Variants in CHRNB1 observed in about 807,000 individuals in gnomAD.
CHRNB1 encodes the protein cholinergic receptor nicotinic beta 1 subunit.
In CHRNB1, 47 loss-of-function variants were observed where a neutral mutation model predicts 53.8. The ratio of observed to expected loss-of-function variants is 0.87; its 90% CI spans 0.69 to 1.11. The LOEUF (loss-of-function observed/expected upper bound fraction) is 1.11, where lower values mean the gene tolerates loss of function less well. Ranked by LOEUF, CHRNB1 falls within the 50% of genes most tolerant of loss-of-function variation. The pLI is 0.00. For missense variants in CHRNB1, 605 were observed against 654.9 expected (o/e 0.92, Z 0.83); for synonymous variants, 259 against 263.5 (o/e 0.98, Z 0.16).
In CHRNB1 at chr17:7,447,062, G is replaced by A. The variant is rs148584502; in HGVS notation, c.373G>A (p.Val125Met). 1.8e-5 allele frequency: 29 copies of A among 1,614,060 alleles called. No individual in the cohort carries two copies. The highest frequency in any genetic ancestry group is 2.4e-5 in the Non-Finnish European group (28 of 1,180,010). ...CTGCAGCAATGATGGGAATTTTGAC[G>A]TGGCTCTGGACATTAGCGTCGTGGT... is the stretch of plus-strand genomic sequence containing the variant. ...LLNNNDGNFD[V>M]ALDISVVVSS... The change falls in exon 5 of 11, where the codon GTG becomes ATG. Residue 125 changes from valine (V) to methionine (M), a missense_variant. Physicochemically the swap from Val to Met is conservative, Grantham distance 21. Transcript: ENST00000306071.
intron 7 of CHRNB1, among the ~76,000 whole-genome samples, chr17:7,449,260 C>T (rs1227921062): frequency 8.6e-5 from 13 of 151,788 alleles, no homozygotes; most frequent in African/African-American, 1.7e-4. Context: ...CCCGCCACCA[C>T]GCCCGGCTAA....
chr17:7,450,623 C>G (rs1177128125), intron 7 of CHRNB1, among the ~76,000 whole-genome samples: 2 of 152,126 alleles, frequency 1.3e-5, no homozygotes, highest in African/African-American at 4.8e-5. Flanking sequence ...TGAACACTTG[C>G]TATAAGGTAA....
At position 7,445,309 on chromosome 17, in the gene CHRNB1, A is replaced by G. The variant is rs1356808110; in HGVS notation, c.98A>G (p.Lys33Arg). The G allele has an allele frequency of 1.9e-6, 3 of 1,612,896 alleles. No individual in the cohort carries two copies. Among genetic ancestry groups the G allele is most frequent in the African/African-American group, 1.3e-5 (1 of 74,914 alleles). ...GAGGCGGAGGGTCGACTCCGGGAGA[A>G]ACTTTTCTCTGGCTATGATAGCTCC... is the stretch of plus-strand genomic sequence containing the variant. ...GSEAEGRLRE[K>R]LFSGYDSSVR... The change falls in exon 2 of 11, where the codon AAA becomes AGA. Residue 33 changes from lysine to arginine, a missense_variant. Coordinates refer to ENST00000306071, the MANE Select transcript of CHRNB1 (RefSeq NM_000747.3). This position sits in a 1 kb window ranked among gnomAD's most constrained non-coding sequence, Gnocchi z 5.7.
Position 7,445,675 on chromosome 17 carries a change from C to T in CHRNB1, c.198+266C>T, listed in dbSNP as rs1908576374. The T allele has an allele frequency of 7.9e-7, 1 of 1,258,454 alleles. No homozygotes were observed. The highest frequency in any genetic ancestry group is 1.1e-6 in the Non-Finnish European group (1 of 945,848). The allele number at this position is 1,258,454 out of a possible 1,614,324, so 78.0% of individuals were successfully genotyped here. On this transcript the variant is annotated intron_variant, in intron 2 of 10. Coordinates refer to ENST00000306071, the MANE Select transcript of CHRNB1 (RefSeq NM_000747.3). This position sits in a 1 kb window ranked among gnomAD's most constrained non-coding sequence, Gnocchi z 5.7. ...AGTGGGGCTGGGGACGAGGCAGGGG[C>T]TGGGGGACGGACCTCGACGTAGGGC...
At position 7,447,579 on chromosome 17, in the gene CHRNB1, G is replaced by A; in HGVS notation, c.539G>A (p.Ser180Asn). The change falls in exon 6 of 11, where the codon AGC (serine) becomes AAC (asparagine). Residue 180 changes from serine (S) to asparagine (N), a missense_variant. Coordinates refer to ENST00000306071, the MANE Select transcript of CHRNB1 (RefSeq NM_000747.3). Reference protein sequence around the residue: ...SSYSYDSSEVSLQTGLGPDGQ... With the variant: ...SSYSYDSSEVNLQTGLGPDGQ... ...TACAGCTACGACAGCTCGGAGGTCA[G>A]CCTGCAGACAGGCCTGGGTCCTGAC... is the stretch of plus-strand genomic sequence containing the variant. The A allele has an allele frequency of 6.2e-7, 1 of 1,614,206 alleles. No individual in the cohort carries two copies. Among genetic ancestry groups the A allele is most frequent in the Non-Finnish European group, 8.5e-7 (1 of 1,180,038 alleles).
Position 7,446,802 on chromosome 17 carries a change from C to T in CHRNB1, c.244-31C>T, listed in dbSNP as rs370010578. ...CCCAAGTCCCTCCCGGCCTCCAACC[C>T]GGGGCAGCCCCTCAGCCTCTGCTTC... On this transcript the variant is annotated intron_variant, in intron 3 of 10. Transcript: ENST00000306071. The T allele has an allele frequency of 6.3e-6, 10 of 1,580,404 alleles. No individual in the cohort carries two copies. In the Admixed American group the frequency reaches 1.3e-4, roughly 21 times the overall value.
At position 7,454,445 on chromosome 17, in the gene CHRNB1, C is replaced by A; in HGVS notation, c.969C>A (p.Val323=). ...MFTMVLVTFS[V]ILSVVVLNLH... ...CCATGGTCCTCGTCACCTTCTCAGT[C>A]ATCCTTAGTGTCGTGGTTCTCAACC... is the stretch of plus-strand genomic sequence containing the variant. Residue 323 remains valine (V), a synonymous_variant, in exon 8 of 11, where the codon GTC becomes GTA. Coordinates refer to ENST00000306071, the MANE Select transcript of CHRNB1 (RefSeq NM_000747.3). 2 of 1,614,120 alleles carry A rather than the reference C, an allele frequency of 1.2e-6. No individual in the cohort carries two copies. Among genetic ancestry groups the A allele is most frequent in the South Asian group, 2.2e-5 (2 of 91,064 alleles).
At chr17:7,455,490 G>C in intron 9 of CHRNB1, 34 bp downstream of exon 9, 2 of 1,611,006 alleles carry the variant, frequency 1.2e-6, no homozygotes, top group Non-Finnish European at 1.7e-6. Context: ...ATAAGAGGGA[G>C]AGGGAGAACT....
rs550293048 is a variant in CHRNB1 at position 7,452,273 on chromosome 17, G to C, written c.821-2024G>C. Among the ~76,000 whole-genome samples, 15 of 152,134 alleles carry C rather than the reference G, an allele frequency of 9.9e-5. No individual in the cohort carries two copies. The East Asian group carries it at 2.9e-3, about 29-fold the overall frequency. On this transcript the variant is annotated intron_variant, in intron 7 of 10. Coordinates refer to ENST00000306071, the MANE Select transcript of CHRNB1 (RefSeq NM_000747.3). ...GGGTTTCGCTATGTTGGCCAGGCTG[G>C]TCTCGAACTTCTGACCTCAGGTGAT... is the stretch of plus-strand genomic sequence containing the variant.
intron 5 of CHRNB1, 124 bp downstream of exon 5, chr17:7,447,275 C>A: frequency 1.0e-6 from 1 of 953,384 alleles, no homozygotes; most frequent in Non-Finnish European, 1.6e-6. Context: ...CCATGACCCT[C>A]ACCTCGTCTA....
At position 7,445,377 on chromosome 17, in the gene CHRNB1, G is replaced by A. The variant is rs879255346; in HGVS notation, c.166G>A (p.Val56Ile). The A allele has an allele frequency of 6.2e-7, 1 of 1,612,594 alleles. No homozygotes were observed. The highest frequency in any genetic ancestry group is 1.7e-5 in the Admixed American group (1 of 59,940). The stretch of plus-strand genomic sequence containing the variant: ...GGTGGGAGACCGTGTCAGGGTCAGC[G>A]TTGGTCTCATCCTGGCGCAACTCAT... ...REVGDRVRVS[V>I]GLILAQLISL... Residue 56 changes from valine to isoleucine, a missense_variant, in exon 2 of 11, where the codon GTT becomes ATT. Physicochemically the swap from Val to Ile is conservative, Grantham distance 29. Coordinates refer to ENST00000306071, the MANE Select transcript of CHRNB1 (RefSeq NM_000747.3). This position sits in a 1 kb window ranked among gnomAD's most constrained non-coding sequence, Gnocchi z 5.7.
intron 8 of CHRNB1, 55 bp from the exon 9 acceptor site, chr17:7,455,229 C>G: frequency 6.2e-7 from 1 of 1,608,114 alleles, no homozygotes; most frequent in East Asian, 2.2e-5. Context: ...TGGCTGTTTC[C>G]CTTCTGGTCT....
intron 7 of CHRNB1, among the ~76,000 whole-genome samples, chr17:7,451,268 TCTTTTC>T (rs1302962221): frequency 1.2e-3 from 166 of 137,730 alleles, no homozygotes; most frequent in African/African-American, 4.4e-3. Context: ...TCTTTTCTTT[TCTTTTC>T]TTTTTTTTTT....
intron 7 of CHRNB1, among the ~76,000 whole-genome samples, chr17:7,450,456 C>T (rs546505086): frequency 4.7e-4 from 72 of 152,170 alleles, no homozygotes; most frequent in Middle Eastern, 3.4e-3. Context: ...TTCCTTAATC[C>T]CTATGTGTCT....
At chr17:7,453,437 G>A (rs917473912) in intron 7 of CHRNB1, among the ~76,000 whole-genome samples, 2 of 152,076 alleles carry the variant, frequency 1.3e-5, no homozygotes, top group Admixed American at 6.6e-5. Context: ...GACATGTTAA[G>A]CTTGAAATAT....
rs1567679888 is a variant in CHRNB1, at chr17:7,455,434, T to C, written c.1195T>C (p.Phe399Leu). The C allele has an allele frequency of 4.3e-6, 7 of 1,614,012 alleles. No individual in the cohort carries two copies. Among genetic ancestry groups the C allele is most frequent in the Non-Finnish European group, 5.9e-6 (7 of 1,180,018 alleles). ...TTTCATCCGGAAGCCGCCAAGTGAT[T>C]TTCTCTTCCCCAAACCCAATAGGTA... ...EYFIRKPPSD[F>L]LFPKPNRFQP... Residue 399 changes from phenylalanine (F) to leucine (L), a missense_variant, in exon 9 of 11, where the codon TTT becomes CTT. Transcript: ENST00000306071.
chr17:7,454,084 G>T (rs1402120257), intron 7 of CHRNB1, among the ~76,000 whole-genome samples: 2 of 151,922 alleles, frequency 1.3e-5, no homozygotes. Flanking sequence ...TAGAAAAGAG[G>T]TCTCCCTATG....
chr17:7,448,885 T>A, intron 7 of CHRNB1, 97 bp downstream of exon 7: 1 of 1,332,414 alleles, frequency 7.5e-7, no homozygotes, highest in South Asian at 1.2e-5. Context: ...ATCCAAAGCA[T>A]CATAGATTGG....
chr17:7,448,840 T>C, intron 7 of CHRNB1, 52 bp downstream of exon 7: 2 of 1,576,678 alleles, frequency 1.3e-6, no homozygotes, highest in East Asian at 2.2e-5. Context: ...AGCTTCTTAC[T>C]CTTTATCCTT....
Sources: gnomAD v4.1 joint callset for allele counts (sites outside exome capture counted in the v4.1 genomes callset) on GRCh38, gnomAD v4.1.1 for gene constraint, Gnocchi (gnomAD v3.1) non-coding constraint, MANE v1.5 for transcripts, NCBI Gene and HGNC (gene_info 2026-07-23, HGNC 2026-07-21) for gene names.